The following GLS variants were observed in gnomAD, a reference collection of about 807,000 sequenced individuals.
The protein encoded by GLS is glutaminase, also known as glutaminase kidney isoform, mitochondrial.
GLS carries 36 observed loss-of-function variants against 86.7 expected under a neutral mutation model. The ratio of observed to expected loss-of-function variants is 0.42; its 90% CI spans 0.32 to 0.55. The LOEUF (loss-of-function observed/expected upper bound fraction) is 0.55, where lower values mean the gene tolerates loss of function less well. GLS is among the 20% of genes least tolerant of loss of function. GLS has a pLI of 0.17. For missense variants in GLS, 528 were observed against 833.4 expected, an observed-to-expected ratio of 0.63 and a Z score of 4.51; for synonymous variants, 317 against 305.9, an observed-to-expected ratio of 1.04 and a Z score of -0.38.
chr2:190,963,015 T>TTACC lies in GLS; in HGVS notation c.*32_*35dup, dbSNP rs1691040300. On this transcript the variant is annotated 3_prime_UTR_variant, in exon 18 of 18. Transcript: ENST00000320717. ...TCTCAAATCCCAAGATTTAAATCACTTACCTATTTAATTGTGGAAAATGAT... is the reference window on the plus strand; with the variant it reads ...TCTCAAATCCCAAGATTTAAATCACTTACCTACCTATTTAATTGTGGAAAATGAT... The TTACC allele has an allele frequency of 1.4e-6, 2 of 1,466,780 alleles. No individual in the cohort carries two copies. The highest frequency in any genetic ancestry group is 2.3e-5 in the East Asian group (1 of 43,542). 90.9% of individuals were successfully genotyped at this position (1,466,780 alleles called of 1,614,324 possible).
intron 1 of GLS, among the ~76,000 whole-genome samples, chr2:190,894,448 A>G (rs1559317520): frequency 6.6e-6 from 1 of 152,182 alleles, no homozygotes; most frequent in Non-Finnish European, 1.5e-5. Flanking sequence ...TTTAGAAATA[A>G]TAACTACAAC....
At chr2:190,885,424 A>T (rs1688344855) in intron 1 of GLS, among the ~76,000 whole-genome samples, 1 of 152,162 alleles carries the variant, frequency 6.6e-6, no homozygotes, top group African/African-American at 2.4e-5. Context: ...TCCTGACCTC[A>T]GATGATCTGC....
At chr2:190,931,910 C>T (rs962869150) in intron 14 of GLS, among the ~76,000 whole-genome samples, 5 of 151,836 alleles carry the variant, frequency 3.3e-5, no homozygotes, top group African/African-American at 1.2e-4. Flanking sequence ...GGGATTTCCC[C>T]TTCCATTTTC....
Position 190,881,416 on chromosome 2 carries a change from AGACG to A in GLS, c.337_340del (p.Asp113ArgfsTer18). On this transcript the variant is annotated frameshift_variant, in exon 1 of 18. Coordinates refer to ENST00000320717, the MANE Select transcript of GLS (RefSeq NM_014905.5). LOFTEE classifies it high-confidence loss of function. ...CCCGGCCCCAAGGACGGCCCCGGGG[AGACG>A]GACGCGTTTGGCAACAGCGAGGGCA... 1.3e-6 allele frequency: 2 copies of A among 1,544,352 alleles called. No individual in the cohort carries two copies. Among genetic ancestry groups the A allele is most frequent in the Non-Finnish European group, 1.7e-6 (2 of 1,144,824 alleles).
At position 190,911,033 on chromosome 2, in the gene GLS, T is replaced by C. The variant is rs10221634; in HGVS notation, c.1038+712T>C. On this transcript the variant is annotated intron_variant, in intron 7 of 17. Coordinates refer to ENST00000320717, the MANE Select transcript of GLS (RefSeq NM_014905.5). ...GGTTCCTGTGTGATAGATTTTTAAA[T>C]CTACCACACGATTTTAGATGTTTCA... 2.6e-3 allele frequency among the ~76,000 whole-genome samples: 387 copies of C among 151,126 alleles called. 4 individuals carry two copies. The highest frequency in any genetic ancestry group is 8.8e-3 in the African/African-American group (366 of 41,446).
At chr2:190,882,507 C>A (rs1009991534) in intron 1 of GLS, among the ~76,000 whole-genome samples, 1 of 152,216 alleles carries the variant, frequency 6.6e-6, no homozygotes, top group Non-Finnish European at 1.5e-5. Flanking sequence ...CGCTGACACT[C>A]TAACCTGTTT....
intron 3 of GLS, among the ~76,000 whole-genome samples, chr2:190,899,727 C>T (rs987727974): frequency 6.6e-5 from 10 of 152,016 alleles, no homozygotes; most frequent in East Asian, 1.9e-4. Context: ...ATTTGCAAAA[C>T]GTTTTAAAGG....
intron 14 of GLS, chr2:190,934,700 A>G (rs1356373967): frequency 2.6e-5 from 25 of 971,420 alleles, no homozygotes; most frequent in Non-Finnish European, 3.1e-5. Flanking sequence ...TATCGTATAC[A>G]TAGCTGTATA....
chr2:190,886,645 G>T (rs1688387691), intron 1 of GLS, among the ~76,000 whole-genome samples: 1 of 152,160 alleles, frequency 6.6e-6, no homozygotes, highest in Non-Finnish European at 1.5e-5. Context: ...GCTGGGCGTG[G>T]TGGCTCATGC....
chr2:190,904,166 G>T, intron 5 of GLS, among the ~76,000 whole-genome samples: 1 of 151,864 alleles, frequency 6.6e-6, no homozygotes, highest in African/African-American at 2.4e-5. Context: ...ATGGGGCCCA[G>T]GATTGTGAGT....
intron 6 of GLS, 145 bp from the exon 7 acceptor site, chr2:190,910,118 T>C: frequency 1.8e-6 from 1 of 543,236 alleles, no homozygotes; most frequent in Non-Finnish European, 3.3e-6. Context: ...TGTATGTGCT[T>C]GTATATAAAG....
chr2:190,938,769 T>C lies in GLS; in HGVS notation c.1650+7132T>C, dbSNP rs1690346439. ...GTAGTTAATGTGACTATAAGTTATTTGGCAGATGGTACCATCAGCATTTAT... is the reference window on the plus strand; with the variant it reads ...GTAGTTAATGTGACTATAAGTTATTCGGCAGATGGTACCATCAGCATTTAT... On this transcript the variant is annotated intron_variant, in intron 14 of 17. Coordinates refer to ENST00000320717, the MANE Select transcript of GLS (RefSeq NM_014905.5). This position sits in a 1 kb window ranked among gnomAD's most constrained non-coding sequence, Gnocchi z 4.1. Among the ~76,000 whole-genome samples the C allele has an allele frequency of 6.6e-6, 1 of 151,718 alleles. No individual in the cohort carries two copies. The highest frequency in any genetic ancestry group is 1.5e-5 in the Non-Finnish European group (1 of 67,646).
At chr2:190,946,766 T>C (rs1433915868) in intron 14 of GLS, among the ~76,000 whole-genome samples, 1 of 152,176 alleles carries the variant, frequency 6.6e-6, no homozygotes, top group Admixed American at 6.5e-5. Context: ...AAAGAACTTT[T>C]ATGGATTAGA....
intron 14 of GLS, among the ~76,000 whole-genome samples, chr2:190,932,406 CAAGAT>C (rs1364008975): frequency 1.3e-5 from 2 of 151,788 alleles, no homozygotes; most frequent in Admixed American, 1.3e-4. Flanking sequence ...AATTAGACCT[CAAGAT>C]AATATGAAGA....
rs556311383 is a variant in GLS, at chr2:190,880,866, C to G, written c.-219C>G. On this transcript the variant is annotated 5_prime_UTR_variant, in exon 1 of 18. Coordinates refer to ENST00000320717, the MANE Select transcript of GLS (RefSeq NM_014905.5). ...GCGAAGAGAACCGGTCGCGGCAATC[C>G]TAGCGCGCAGCAGCAGCAGCAGCAG... 2.4e-5 allele frequency: 19 copies of G among 791,406 alleles called. No individual in the cohort carries two copies. In the African/African-American group the frequency reaches 3.1e-4, roughly 13 times the overall value. 49.0% of individuals were successfully genotyped at this position (791,406 alleles called of 1,614,324 possible).
rs577190096 is a variant in GLS, at chr2:190,959,941, G to A, written c.1854-2889G>A. On this transcript the variant is annotated intron_variant, in intron 17 of 17. Coordinates refer to ENST00000320717, the MANE Select transcript of GLS (RefSeq NM_014905.5). ...GTTAAATTTTAATCAGTGCTTTAGGGAAGAGACGAGACTGAAGGCACAGAA... is the reference window on the plus strand; with the variant it reads ...GTTAAATTTTAATCAGTGCTTTAGGAAAGAGACGAGACTGAAGGCACAGAA... Among the ~76,000 whole-genome samples, 6 of 152,266 alleles carry A rather than the reference G, an allele frequency of 3.9e-5. No individual in the cohort carries two copies. In the South Asian group the frequency reaches 1.2e-3, roughly 32 times the overall value.
intron 14 of GLS, among the ~76,000 whole-genome samples, chr2:190,942,951 C>G (rs983838468): frequency 6.6e-6 from 1 of 152,152 alleles, no homozygotes; most frequent in African/African-American, 2.4e-5. Flanking sequence ...GCTGTTTCAT[C>G]TTTAGCCTCA....
In GLS at chr2:190,897,163, G is replaced by T. The variant is rs1224392654; in HGVS notation, c.605+1438G>T. On this transcript the variant is annotated intron_variant, in intron 3 of 17. Transcript: ENST00000320717. The surrounding 1 kb of genome is among the most constrained non-coding windows in gnomAD (Gnocchi z 4.3). ...CCCACCTAAATTCCCAAGTATCTGGGATTAAGGGCGCCTGCCACCATGCCT... is the reference window on the plus strand; with the variant it reads ...CCCACCTAAATTCCCAAGTATCTGGTATTAAGGGCGCCTGCCACCATGCCT... Among the ~76,000 whole-genome samples, 23 of 152,176 alleles carry T rather than the reference G, an allele frequency of 1.5e-4. No homozygotes were observed. Among genetic ancestry groups the T allele is most frequent in the Non-Finnish European group, 1.5e-5 (1 of 68,012 alleles).
chr2:190,923,970 T>TA lies in GLS; in HGVS notation c.1188dup (p.Glu397ArgfsTer25). On this transcript the variant is annotated frameshift_variant, in exon 10 of 18. Transcript: ENST00000320717. LOFTEE classifies it high-confidence loss of function. Reference sequence around the variant, plus strand: ...CGAAATTTTGCAATAGGATATTACTTAAAAGAAAAGAAGGTTTTTAAATTT... The same window carrying TA: ...CGAAATTTTGCAATAGGATATTACTTAAAAAGAAAAGAAGGTTTTTAAATTT... 6.8e-7 allele frequency: 1 copy of TA among 1,478,880 alleles called. No homozygotes were observed. Among genetic ancestry groups the TA allele is most frequent in the Non-Finnish European group, 9.3e-7 (1 of 1,070,108 alleles). The allele number at this position is 1,478,880 out of a possible 1,614,324, so 91.6% of individuals were successfully genotyped here. A position where few individuals can be genotyped will look rare whatever the true frequency, so the allele number is the denominator to read the frequency against.
Sources: allele counts gnomAD v4.1 joint callset (sites outside exome capture counted in the v4.1 genomes callset), GRCh38; gene constraint gnomAD v4.1.1; non-coding constraint Gnocchi (gnomAD v3.1); transcripts MANE v1.5; gene names NCBI Gene and HGNC (gene_info 2026-07-23, HGNC 2026-07-21).